The following RAB27A variants were observed in gnomAD, a reference collection of about 807,000 sequenced individuals.
RAB27A encodes the protein RAB27A, member RAS oncogene family.
Under a neutral mutation model 20.8 loss-of-function variants are expected in RAB27A, and 17 were observed. That is an observed-to-expected ratio of 0.82 (90% CI 0.56 to 1.23). The LOEUF is 1.23. RAB27A is among the 50% of genes most tolerant of loss of function. The pLI is 0.00. For synonymous variants in RAB27A, 85 were observed against 92.8 expected, an observed-to-expected ratio of 0.92 and a Z score of 0.48; for missense variants, 277 against 266.7, an observed-to-expected ratio of 1.04 and a Z score of -0.27.
chr15:55,280,777 G>A (rs927132086), intron 1 of RAB27A, among the ~76,000 whole-genome samples: 1 of 151,870 alleles, frequency 6.6e-6, no homozygotes, highest in African/African-American at 2.4e-5. Context: ...CTGTCCTTGA[G>A]ATAGTTTGCT....
chr15:55,294,465 G>A (rs1005332455), upstream of RAB27A, among the ~76,000 whole-genome samples: 1 of 151,816 alleles, frequency 6.6e-6, no homozygotes, highest in African/African-American at 2.4e-5. Flanking sequence ...GCTTGCACCT[G>A]TAGTCCCAAC....
chr15:55,312,809 T>C (rs999111061), intron 2 of RAB27A, among the ~76,000 whole-genome samples: 1 of 152,216 alleles, frequency 6.6e-6, no homozygotes, highest in Non-Finnish European at 1.5e-5. Context: ...GACTTGACTG[T>C]GCATCCTATG....
intron 1 of RAB27A, among the ~76,000 whole-genome samples, chr15:55,279,337 A>G (rs1466971702): frequency 6.6e-6 from 1 of 152,226 alleles, no homozygotes. Flanking sequence ...CAGGACTGGC[A>G]GCAGAATCAC....
chr15:55,305,021 AT>A (rs1443014755), intron 2 of RAB27A, among the ~76,000 whole-genome samples: 4 of 152,296 alleles, frequency 2.6e-5, no homozygotes, highest in African/African-American at 9.6e-5. Flanking sequence ...CAGGCGATAG[AT>A]GATTGGCTAT....
intron 6 of RAB27A, among the ~76,000 whole-genome samples, chr15:55,217,121 C>A (rs1403514143): frequency 1.3e-5 from 2 of 152,178 alleles, no homozygotes; most frequent in Non-Finnish European, 2.9e-5. Context: ...AGTATACTTT[C>A]TTGCCATTTG....
intron 2 of RAB27A, among the ~76,000 whole-genome samples, chr15:55,255,114 G>T (rs942363187): frequency 6.6e-6 from 1 of 152,154 alleles, no homozygotes; most frequent in Non-Finnish European, 1.5e-5. Flanking sequence ...CCTATTGACT[G>T]CACATAGTAT....
At chr15:55,282,642 A>C (rs1056365186) in intron 1 of RAB27A, among the ~76,000 whole-genome samples, 1 of 152,134 alleles carries the variant, frequency 6.6e-6, no homozygotes, top group African/African-American at 2.4e-5. Context: ...TATCGTGCAA[A>C]GACTGAGAAC....
intron 2 of RAB27A, among the ~76,000 whole-genome samples, chr15:55,258,975 C>T (rs1445785505): frequency 1.3e-5 from 2 of 152,104 alleles, no homozygotes; most frequent in Non-Finnish European, 2.9e-5. Context: ...CAAGCACGCA[C>T]CACCATACCT....
chr15:55,312,304 A>G (rs1478747957), intron 2 of RAB27A, among the ~76,000 whole-genome samples: 1 of 152,190 alleles, frequency 6.6e-6, no homozygotes, highest in African/African-American at 2.4e-5. Context: ...GGACCAGAAG[A>G]CTGCAGAAGC....
chr15:55,291,062 A>T (rs1898293350), upstream of RAB27A, among the ~76,000 whole-genome samples: 1 of 152,250 alleles, frequency 6.6e-6, no homozygotes, highest in African/African-American at 2.4e-5. Flanking sequence ...ATATGAAATT[A>T]CAAACAGTTG....
intron 2 of RAB27A, among the ~76,000 whole-genome samples, chr15:55,250,679 G>A (rs368268297): frequency 4.6e-5 from 7 of 152,250 alleles, no homozygotes; most frequent in African/African-American, 1.7e-4. Context: ...ATTATTCTTT[G>A]GGAAGTTTGT....
At chr15:55,254,273 A>G (rs530605915) in intron 2 of RAB27A, among the ~76,000 whole-genome samples, 19 of 152,278 alleles carry the variant, frequency 1.2e-4, no homozygotes, top group Middle Eastern at 3.4e-3. Context: ...TTACTTTCCT[A>G]TACATACTTG....
chr15:55,206,752 T>C (rs781745862), intron 6 of RAB27A, among the ~76,000 whole-genome samples: 6 of 152,150 alleles, frequency 3.9e-5, no homozygotes, highest in Non-Finnish European at 8.8e-5. Flanking sequence ...TCTTATCTTT[T>C]TGACATTGGA....
At chr15:55,229,149 C>A (rs1895934013) in intron 4 of RAB27A, among the ~76,000 whole-genome samples, 1 of 152,100 alleles carries the variant, frequency 6.6e-6, no homozygotes, top group Non-Finnish European at 1.5e-5. Flanking sequence ...AGACCTTATT[C>A]TGTCTTGGTA....
chr15:55,306,174 A>T (rs1324499225), intron 2 of RAB27A, among the ~76,000 whole-genome samples: 1 of 152,174 alleles, frequency 6.6e-6, no homozygotes, highest in African/African-American at 2.4e-5. Context: ...GCTAAATTTT[A>T]CACAGGTGAG....
chr15:55,288,452 C>T (rs115127981), intron 1 of RAB27A, among the ~76,000 whole-genome samples: 4,712 of 152,092 alleles, frequency 0.031, 83 homozygotes, highest in Non-Finnish European at 0.041. Flanking sequence ...ACCCAGGAAG[C>T]GGAGGTTGCT....
At chr15:55,223,043 C>A (rs891805774) in intron 6 of RAB27A, among the ~76,000 whole-genome samples, 1 of 152,086 alleles carries the variant, frequency 6.6e-6, no homozygotes, top group African/African-American at 2.4e-5. Context: ...TCAAGGAGAA[C>A]GACAGTATTT....
chr15:55,269,373 C>T (rs1406916566), intron 2 of RAB27A, among the ~76,000 whole-genome samples: 3 of 152,168 alleles, frequency 2.0e-5, no homozygotes, highest in African/African-American at 7.2e-5. Context: ...AGAATTAACA[C>T]TAATTTAAAA....
chr15:55,206,583 C>T (rs1465879835), intron 6 of RAB27A, among the ~76,000 whole-genome samples: 1 of 152,074 alleles, frequency 6.6e-6, no homozygotes. Flanking sequence ...GCTCAAGCTA[C>T]CCACCCGCCT....
Sources: gnomAD v4.1 joint callset for allele counts (sites outside exome capture counted in the v4.1 genomes callset) on GRCh38, gnomAD v4.1.1 for gene constraint, MANE v1.5 for transcripts, NCBI Gene and HGNC (gene_info 2026-07-23, HGNC 2026-07-21) for gene names.